Variants in NEK7 observed in about 807,000 individuals in gnomAD.
NEK7 encodes NIMA related kinase 7, also known as serine/threonine-protein kinase Nek7.
Under a neutral mutation model 44.6 loss-of-function variants are expected in NEK7, and 18 were observed. That is an observed-to-expected ratio of 0.40 (90% CI 0.28 to 0.60). The LOEUF is 0.60. NEK7 is among the 20% of genes least tolerant of loss of function. NEK7 has a pLI of 0.38. For synonymous variants in NEK7, 130 were observed against 121.1 expected, an observed-to-expected ratio of 1.07 and a Z score of -0.48; for missense variants, 256 against 366.5, an observed-to-expected ratio of 0.70 and a Z score of 2.46.
rs1305499555 is a variant in NEK7, at chr1:198,295,808, ATTATTAT to A, written c.685-1317_685-1311del. Among the ~76,000 whole-genome samples the A allele has an allele frequency of 3.9e-4, 20 of 51,182 alleles. 1 individual carries two copies. In the Admixed American group the frequency reaches 5.7e-3, roughly 14 times the overall value. The allele number at this position is 51,182 out of a possible 152,430, so 33.6% of individuals were successfully genotyped here. On this transcript the variant is annotated intron_variant, in intron 8 of 9. Transcript: ENST00000367385. ...CCTTGCATTTAAAACAAAAACCACT[ATTATTAT>A]TATTATTATTATTATTATTATTATT...
intron 3 of NEK7, among the ~76,000 whole-genome samples, chr1:198,255,965 A>C (rs1653249209): frequency 6.6e-6 from 1 of 152,128 alleles, no homozygotes; most frequent in Non-Finnish European, 1.5e-5. Flanking sequence ...AAAATACAAA[A>C]TTTTATAATA....
At chr1:198,187,875 G>T (rs1664967189) in intron 1 of NEK7, among the ~76,000 whole-genome samples, 1 of 152,216 alleles carries the variant, frequency 6.6e-6, no homozygotes, top group African/African-American at 2.4e-5. Flanking sequence ...ATGTAATGGA[G>T]GCAATGAAGG....
At chr1:198,284,658 G>T (rs558095904) in intron 7 of NEK7, among the ~76,000 whole-genome samples, 1 of 152,222 alleles carries the variant, frequency 6.6e-6, no homozygotes, top group East Asian at 1.9e-4. Flanking sequence ...TGTTTCTTAA[G>T]TTACTCTGAG....
chr1:198,299,368 T>C (rs1197809386), intron 9 of NEK7, among the ~76,000 whole-genome samples: 1 of 152,218 alleles, frequency 6.6e-6, no homozygotes, highest in Non-Finnish European at 1.5e-5. Flanking sequence ...AAAATAATTA[T>C]TCAGAATTCA....
intron 9 of NEK7, among the ~76,000 whole-genome samples, chr1:198,309,401 A>AG (rs1173296119): frequency 6.6e-6 from 1 of 152,130 alleles, no homozygotes; most frequent in Non-Finnish European, 1.5e-5. Flanking sequence ...GACTGATGTC[A>AG]GTGGCTCATA....
chr1:198,213,477 G>A (rs1665834533), intron 1 of NEK7, among the ~76,000 whole-genome samples: 1 of 152,164 alleles, frequency 6.6e-6, no homozygotes, highest in South Asian at 2.1e-4. Context: ...CAGGAGCTCA[G>A]CGTAGGTGCA....
intron 1 of NEK7, among the ~76,000 whole-genome samples, chr1:198,160,580 T>C (rs549760671): frequency 6.6e-6 from 1 of 152,320 alleles, no homozygotes; most frequent in South Asian, 2.1e-4. Context: ...TACTGTTTGC[T>C]CCGAATTGTT....
intron 1 of NEK7, among the ~76,000 whole-genome samples, chr1:198,225,106 G>A (rs950157285): frequency 5.3e-5 from 8 of 152,066 alleles, no homozygotes; most frequent in African/African-American, 1.9e-4. Flanking sequence ...ACTTTGGGAG[G>A]CTGAGGTGGG....
intron 7 of NEK7, among the ~76,000 whole-genome samples, chr1:198,287,151 C>T (rs964504125): frequency 6.6e-6 from 1 of 152,146 alleles, no homozygotes; most frequent in African/African-American, 2.4e-5. Flanking sequence ...TTCATATCCT[C>T]CTCTAAAGCA....
intron 1 of NEK7, among the ~76,000 whole-genome samples, chr1:198,169,829 C>T (rs765105360): frequency 1.3e-5 from 2 of 152,224 alleles, no homozygotes; most frequent in Non-Finnish European, 2.9e-5. Flanking sequence ...TTAGCTTCCT[C>T]TCTGGAGCAT....
chr1:198,289,132 T>A (rs1345576189), intron 7 of NEK7, among the ~76,000 whole-genome samples: 2 of 2,202 alleles, frequency 9.1e-4, no homozygotes, highest in Non-Finnish European at 1.5e-3. Context: ...TCCCTGAAGT[T>A]GTGTGTGTGT....
At chr1:198,308,048 G>T (rs756578025) in intron 9 of NEK7, among the ~76,000 whole-genome samples, 2 of 152,082 alleles carry the variant, frequency 1.3e-5, no homozygotes, top group Non-Finnish European at 2.9e-5. Context: ...TCTATAAAAT[G>T]AGACTGTTGT....
At chr1:198,179,932 T>G (rs886669057) in intron 1 of NEK7, among the ~76,000 whole-genome samples, 1 of 152,168 alleles carries the variant, frequency 6.6e-6, no homozygotes, top group African/African-American at 2.4e-5. Context: ...TTTCTCCTTG[T>G]GTAATTTTGG....
intron 2 of NEK7, 118 bp downstream of exon 2, chr1:198,232,755 G>T: frequency 1.4e-5 from 7 of 511,212 alleles, no homozygotes; most frequent in Admixed American, 3.7e-5. Context: ...TGCTAATTTT[G>T]AATTTCCAAG....
chr1:198,274,093 A>C (rs1456710408), intron 5 of NEK7, among the ~76,000 whole-genome samples: 1 of 146,160 alleles, frequency 6.8e-6, no homozygotes, highest in East Asian at 2.0e-4. Context: ...CTTATATTTA[A>C]CATAAATCAC....
chr1:198,228,133 C>T (rs1666282662), intron 1 of NEK7, among the ~76,000 whole-genome samples: 1 of 152,160 alleles, frequency 6.6e-6, no homozygotes, highest in African/African-American at 2.4e-5. Flanking sequence ...GGAATTGTTT[C>T]CCCATTTCTT....
chr1:198,203,958 A>G (rs944753563), intron 1 of NEK7, among the ~76,000 whole-genome samples: 7 of 152,158 alleles, frequency 4.6e-5, no homozygotes, highest in Non-Finnish European at 8.8e-5. Context: ...TACAATGGAA[A>G]ACTTTAGAGA....
rs1666132015 is a variant in NEK7 at position 198,223,634 on chromosome 1, A to T, written c.-28-8919A>T. Among the ~76,000 whole-genome samples, 5 of 152,326 alleles carry T rather than the reference A, an allele frequency of 3.3e-5. No homozygotes were observed. In the South Asian group the frequency reaches 1.0e-3, roughly 32 times the overall value. On this transcript the variant is annotated intron_variant, in intron 1 of 9. Transcript: ENST00000367385. ...CAATATTCAGACAGGCATTTCATAGATATTTTTAGGAAAACAAACTGCCTA... is the reference window on the plus strand; with the variant it reads ...CAATATTCAGACAGGCATTTCATAGTTATTTTTAGGAAAACAAACTGCCTA...
chr1:198,188,462 A>G (rs1351502988), intron 1 of NEK7, among the ~76,000 whole-genome samples: 2 of 152,092 alleles, frequency 1.3e-5, no homozygotes, highest in Non-Finnish European at 2.9e-5. Context: ...GTGGCAGCTG[A>G]GGAGCCCAGA....
Sources: allele counts gnomAD v4.1 joint callset (sites outside exome capture counted in the v4.1 genomes callset), GRCh38; gene constraint gnomAD v4.1.1; transcripts MANE v1.5; gene names NCBI Gene and HGNC (gene_info 2026-07-23, HGNC 2026-07-21).